The following MTHFS variants were observed in gnomAD, a reference collection of about 807,000 sequenced individuals.
MTHFS encodes the protein 5-formyltetrahydrofolate cyclo-ligase.
Under a neutral mutation model 12.7 loss-of-function variants are expected in MTHFS, and 7 were observed. The observed-to-expected ratio is 0.55, with a 90% CI of 0.31 to 1.03. MTHFS has a LOEUF of 1.03. Among genes scored for constraint, MTHFS ranks in the 50% least tolerant of loss-of-function variants. MTHFS has a pLI of 0.05. For synonymous variants in MTHFS, 100 were observed against 97.1 expected (o/e 1.03, Z -0.18); for missense variants, 252 against 258.1 (o/e 0.98, Z 0.16).
chr15:79,860,338 G>C (rs1398656768), intron 2 of MTHFS, among the ~76,000 whole-genome samples: 1 of 151,522 alleles, frequency 6.6e-6, no homozygotes, highest in Non-Finnish European at 1.5e-5. Context: ...GCAGTGAACA[G>C]AGATCGCACC....
intron 1 of MTHFS, among the ~76,000 whole-genome samples, chr15:79,893,800 C>T (rs2733089): frequency 0.88 from 134,200 of 152,058 alleles, 59,321 homozygotes; most frequent in East Asian, 1. Context: ...GTAGAAAACA[C>T]AGTGAGTAAA....
intron 2 of MTHFS, among the ~76,000 whole-genome samples, chr15:79,884,226 C>T (rs527403489): frequency 1.3e-5 from 2 of 152,342 alleles, no homozygotes; most frequent in Admixed American, 6.5e-5. Flanking sequence ...ATTCTCAAAT[C>T]CGTATTTTCC....
At chr15:79,855,040 C>T (rs979968055) in intron 2 of MTHFS, among the ~76,000 whole-genome samples, 1 of 152,174 alleles carries the variant, frequency 6.6e-6, no homozygotes, top group Non-Finnish European at 1.5e-5. Flanking sequence ...CATGCTCTGT[C>T]TTCACACTAA....
chr15:79,858,575 T>C (rs1393681989), intron 2 of MTHFS, among the ~76,000 whole-genome samples: 1 of 152,168 alleles, frequency 6.6e-6, no homozygotes, highest in Non-Finnish European at 1.5e-5. Flanking sequence ...CCAATTCAGA[T>C]AATCCCCTAT....
At chr15:79,889,552 C>T (rs1005755291) in intron 1 of MTHFS, among the ~76,000 whole-genome samples, 198 bp from the exon 2 acceptor site, 10 of 152,094 alleles carry the variant, frequency 6.6e-5, no homozygotes, top group African/African-American at 2.4e-5. Flanking sequence ...GGACCCAGCA[C>T]TTACCTGCTC....
At chr15:79,857,912 A>G (rs2033839263) in intron 2 of MTHFS, among the ~76,000 whole-genome samples, 1 of 150,124 alleles carries the variant, frequency 6.7e-6, no homozygotes, top group Non-Finnish European at 1.5e-5. Context: ...GTTACTCAAG[A>G]GGCTGAGACA....
At position 79,886,479 on chromosome 15, in the gene MTHFS, T is replaced by C. The variant is rs566702870; in HGVS notation, c.379+2614A>G. Among the ~76,000 whole-genome samples, 7 of 152,030 alleles carry C rather than the reference T, an allele frequency of 4.6e-5. 1 individual carries two copies. The highest frequency in any genetic ancestry group is 1.7e-4 in the African/African-American group (7 of 41,444). On this transcript the variant is annotated intron_variant, in intron 2 of 2. Coordinates refer to ENST00000258874, the MANE Select transcript of MTHFS (RefSeq NM_006441.4). Reference sequence around the variant, plus strand: ...CCCTTTACAATCCAGATTGCAAGTATCTGCAAAGAAAAATGCATGGGGGAA... The same window carrying C: ...CCCTTTACAATCCAGATTGCAAGTACCTGCAAAGAAAAATGCATGGGGGAA...
chr15:79,858,023 A>AAAAC (rs2141347862), intron 2 of MTHFS, among the ~76,000 whole-genome samples: 1 of 149,250 alleles, frequency 6.7e-6, no homozygotes, highest in African/African-American at 2.5e-5. Flanking sequence ...CTCAAAAAAA[A>AAAAC]AAAAAAAAAA....
chr15:79,876,157 A>T (rs2034190910), intron 2 of MTHFS: 1 of 152,160 alleles, frequency 6.6e-6, no homozygotes, highest in Admixed American at 6.5e-5. Flanking sequence ...CAACAAAAAA[A>T]ATATAGGATA....
chr15:79,865,438 A>G (rs1402320370), intron 2 of MTHFS, among the ~76,000 whole-genome samples: 1 of 152,250 alleles, frequency 6.6e-6, no homozygotes, highest in East Asian at 1.9e-4. Flanking sequence ...TTGATAATGA[A>G]ATACATGTTA....
At chr15:79,879,114 A>G (rs1264131495) in intron 2 of MTHFS, among the ~76,000 whole-genome samples, 2 of 151,928 alleles carry the variant, frequency 1.3e-5, no homozygotes, top group Non-Finnish European at 2.9e-5. Flanking sequence ...AACACAAAAA[A>G]TTTTCATTTT....
At chr15:79,892,844 G>A (rs577232473) in intron 1 of MTHFS, among the ~76,000 whole-genome samples, 5 of 152,162 alleles carry the variant, frequency 3.3e-5, no homozygotes, top group African/African-American at 7.2e-5. Context: ...CCAGCTACTC[G>A]GGAGGCTGAG....
At chr15:79,889,477 G>GGC (rs1555414217) in intron 1 of MTHFS, 123 bp from the exon 2 acceptor site, 1 of 1,381,156 alleles carries the variant, frequency 7.2e-7, no homozygotes, top group African/African-American at 1.5e-5. Flanking sequence ...AAAAAAAAGG[G>GGC]GGGGGGACCA....
rs185289487 is a variant in MTHFS, at chr15:79,865,375, A to G, written c.380-19933T>C. On this transcript the variant is annotated intron_variant, in intron 2 of 2. Coordinates refer to ENST00000258874, the MANE Select transcript of MTHFS (RefSeq NM_006441.4). ...GAAACCAGGAAAGAATGCCATATCT[A>G]AGTCGGAAACTTCGAGGTATTTCTG... Among the ~76,000 whole-genome samples, 364 of 152,354 alleles carry G rather than the reference A, an allele frequency of 2.4e-3. 3 individuals carry two copies. Among genetic ancestry groups the G allele is most frequent in the African/African-American group, 8.4e-3 (349 of 41,570 alleles).
chr15:79,849,250 T>C (rs976142913), intron 2 of MTHFS, among the ~76,000 whole-genome samples: 5 of 152,206 alleles, frequency 3.3e-5, no homozygotes, highest in African/African-American at 1.2e-4. Context: ...ATATACTTCC[T>C]AGTCTTCTCC....
upstream of MTHFS, chr15:79,897,165 C>T: frequency 1.8e-6 from 1 of 546,148 alleles, no homozygotes; most frequent in East Asian, 3.5e-5. Context: ...GCTTACCTCG[C>T]CTCTGGCCCT....
intron 2 of MTHFS, among the ~76,000 whole-genome samples, chr15:79,859,091 G>T (rs749317837): frequency 1.2e-4 from 18 of 152,144 alleles, no homozygotes; most frequent in Non-Finnish European, 2.2e-4. Flanking sequence ...GGAATAAATG[G>T]GGAGGCACAC....
At chr15:79,892,931 C>T (rs1033182245) in intron 1 of MTHFS, among the ~76,000 whole-genome samples, 4 of 151,090 alleles carry the variant, frequency 2.6e-5, no homozygotes, top group Admixed American at 1.3e-4. Context: ...AGCCTGGCAA[C>T]AGAGCGAGAC....
intron 1 of MTHFS, among the ~76,000 whole-genome samples, chr15:79,891,424 C>A (rs2586182): frequency 0.85 from 129,709 of 152,168 alleles, 55,743 homozygotes; most frequent in East Asian, 1. Flanking sequence ...TTCTCAGACA[C>A]ACTCAAGAAG....
Sources: gnomAD v4.1 joint callset for allele counts (sites outside exome capture counted in the v4.1 genomes callset) on GRCh38, gnomAD v4.1.1 for gene constraint, MANE v1.5 for transcripts, NCBI Gene and HGNC (gene_info 2026-07-23, HGNC 2026-07-21) for gene names.